Variants in NAV2 observed in about 807,000 individuals in gnomAD.
The protein encoded by NAV2 is neuron navigator 2.
Under a neutral mutation model 223.2 loss-of-function variants are expected in NAV2, and 54 were observed. That is an observed-to-expected ratio of 0.24 (90% confidence interval 0.19 to 0.30). The LOEUF (loss-of-function observed/expected upper bound fraction) is 0.30. Ranked by LOEUF, NAV2 falls within the 10% of genes least tolerant of loss-of-function variation. The pLI is 1.00. For missense variants in NAV2, 2,806 were observed against 3,147.5 expected (o/e 0.89, Z 2.60); for synonymous variants, 1,279 against 1,239.3 (o/e 1.03, Z -0.67).
At chr11:19,543,881 C>T (rs529967116) in intron 1 of NAV2, among the ~76,000 whole-genome samples, 5 of 152,150 alleles carry the variant, frequency 3.3e-5, no homozygotes, top group Non-Finnish European at 5.9e-5. Context: ...GCCATGCTCT[C>T]GGTTTGAGCT....
At chr11:19,635,146 T>C (rs1446992743) in intron 1 of NAV2, among the ~76,000 whole-genome samples, 1 of 152,182 alleles carries the variant, frequency 6.6e-6, no homozygotes, top group Non-Finnish European at 1.5e-5. Flanking sequence ...GGAAATTGCT[T>C]TTGGTGAATA....
chr11:19,799,788 C>A (rs901049131), intron 1 of NAV2, among the ~76,000 whole-genome samples: 2 of 152,158 alleles, frequency 1.3e-5, no homozygotes, highest in Non-Finnish European at 2.9e-5. Context: ...CCACCACCCC[C>A]CACACCTGCC....
At chr11:19,832,749 GT>G (rs2060014400) in intron 2 of NAV2, 148 bp downstream of exon 2, 1 of 700,652 alleles carries the variant, frequency 1.4e-6, no homozygotes, top group Non-Finnish European at 2.5e-6. Flanking sequence ...TTTTGACTAA[GT>G]TGTGTGAGTA....
chr11:19,856,492 C>T (rs981484653), intron 3 of NAV2, among the ~76,000 whole-genome samples: 2 of 152,174 alleles, frequency 1.3e-5, no homozygotes, highest in African/African-American at 4.8e-5. Context: ...GTTATATATT[C>T]ACGATCATCA....
intron 1 of NAV2, among the ~76,000 whole-genome samples, chr11:19,592,340 C>T (rs541480599): frequency 6.6e-6 from 1 of 152,148 alleles, no homozygotes; most frequent in Non-Finnish European, 1.5e-5. Flanking sequence ...TCTTTCCACA[C>T]CTACTAATCT....
chr11:20,100,546 G>GGGGTGT (rs1399372873), intron 31 of NAV2, among the ~76,000 whole-genome samples: 2 of 141,764 alleles, frequency 1.4e-5, no homozygotes, highest in African/African-American at 5.3e-5. Flanking sequence ...ATACTAGAGG[G>GGGGTGT]GTGTGTGTGT....
At chr11:19,585,577 G>A (rs898972163) in intron 1 of NAV2, among the ~76,000 whole-genome samples, 1 of 152,132 alleles carries the variant, frequency 6.6e-6, no homozygotes, top group Non-Finnish European at 1.5e-5. Context: ...AGGCCTGGTG[G>A]TGACAAAATC....
In NAV2 at chr11:19,488,807, G is replaced by T. The variant is rs369473878; in HGVS notation, c.75+137780G>T. ...ATAATGTACAAATGAATGACCAGGT[G>T]TGGCCATTTATTGAGTACTTACTAT... On this transcript the variant is annotated intron_variant, in intron 1 of 37. Transcript: ENST00000360655. Among the ~76,000 whole-genome samples the T allele has an allele frequency of 2.0e-5, 3 of 152,306 alleles. No homozygotes were observed. The East Asian group carries it at 5.8e-4, about 29-fold the overall frequency.
intron 1 of NAV2, among the ~76,000 whole-genome samples, chr11:19,532,465 G>A (rs1440809949): frequency 6.6e-6 from 1 of 152,150 alleles, no homozygotes; most frequent in Non-Finnish European, 1.5e-5. Flanking sequence ...GTCTGGACAG[G>A]GTGATTTCTA....
In NAV2 at chr11:19,587,071, G is replaced by A. The variant is rs191670288; in HGVS notation, c.75+236044G>A. On this transcript the variant is annotated intron_variant, in intron 1 of 37. Coordinates refer to the NAV2 transcript ENST00000360655. ...GCTTTGTTTACCTACTCAAGCCTCA[G>A]CAATGGTGGACACCCCTCCCCCAGC... Among the ~76,000 whole-genome samples, 895 of 152,332 alleles carry A rather than the reference G, an allele frequency of 5.9e-3. 5 individuals are homozygous for A. Among genetic ancestry groups the A allele is most frequent in the African/African-American group, 0.02 (847 of 41,578 alleles).
intron 1 of NAV2, among the ~76,000 whole-genome samples, chr11:19,755,637 A>T (rs1177038709): frequency 6.6e-6 from 1 of 152,178 alleles, no homozygotes. Context: ...CTTGGTTTGT[A>T]GATGCATCAC....
At chr11:19,727,644 G>A (rs748859243) in intron 1 of NAV2, among the ~76,000 whole-genome samples, 25 of 152,236 alleles carry the variant, frequency 1.6e-4, no homozygotes, top group Non-Finnish European at 3.5e-4. Context: ...TAAGAGTAGA[G>A]CAGAATAACT....
chr11:19,736,607 A>T lies in NAV2; in HGVS notation c.267+22645A>T, dbSNP rs78197884. ...TAAAAAACTGCCACAATGCTCCTGC[A>T]CTGAAGTGCTCACATTTTGCTCCAT... On this transcript the variant is annotated intron_variant, in intron 1 of 37. Transcript: ENST00000349880. Among the ~76,000 whole-genome samples, 689 of 152,334 alleles carry T rather than the reference A, an allele frequency of 4.5e-3. 5 individuals are homozygous for T. The highest frequency in any genetic ancestry group is 0.016 in the African/African-American group (653 of 41,566).
chr11:19,583,605 T>C (rs1288550703), intron 1 of NAV2, among the ~76,000 whole-genome samples: 5 of 152,212 alleles, frequency 3.3e-5, no homozygotes, highest in African/African-American at 7.2e-5. Context: ...TGAATTTTGT[T>C]GAAGGCCTTT....
intron 1 of NAV2, among the ~76,000 whole-genome samples, chr11:19,649,969 AC>A (rs942748860): frequency 8.5e-5 from 13 of 152,280 alleles, no homozygotes; most frequent in African/African-American, 2.9e-4. Flanking sequence ...AGCAACTGAA[AC>A]TTTTTCTGTC....
intron 1 of NAV2, among the ~76,000 whole-genome samples, chr11:19,643,734 C>T (rs145795409): frequency 0.011 from 1,632 of 152,272 alleles, 32 homozygotes; most frequent in African/African-American, 0.037. Flanking sequence ...CATGAGGAAT[C>T]GCCACACTGA....
At chr11:19,440,494 G>A (rs1285100049) in intron 1 of NAV2, among the ~76,000 whole-genome samples, 3 of 152,152 alleles carry the variant, frequency 2.0e-5, no homozygotes, top group African/African-American at 4.8e-5. Context: ...AGTTGAGAAC[G>A]GGGTAAGGAG....
intron 1 of NAV2, among the ~76,000 whole-genome samples, chr11:19,827,079 G>A (rs148907674): frequency 6.6e-6 from 1 of 152,300 alleles, no homozygotes; most frequent in Non-Finnish European, 1.5e-5. Flanking sequence ...ATTAAGCTGG[G>A]TGAGATGGCC....
intron 1 of NAV2, among the ~76,000 whole-genome samples, chr11:19,735,350 C>T (rs895700000): frequency 5.3e-5 from 8 of 152,180 alleles, no homozygotes; most frequent in Admixed American, 3.9e-4. Flanking sequence ...CATTTCCCTG[C>T]GAGCAGCTTT....
Sources: gnomAD v4.1 joint callset for allele counts (sites outside exome capture counted in the v4.1 genomes callset) on GRCh38, gnomAD v4.1.1 for gene constraint, MANE v1.5 for transcripts, NCBI Gene and HGNC (gene_info 2026-07-23, HGNC 2026-07-21) for gene names.